The following DPP10 variants were observed in gnomAD, a reference collection of about 807,000 sequenced individuals.
DPP10 encodes the protein dipeptidyl peptidase like 10.
DPP10 carries 33 observed loss-of-function variants against 120.9 expected under a neutral mutation model. That is an observed-to-expected ratio of 0.27 (90% CI 0.21 to 0.37). The LOEUF (loss-of-function observed/expected upper bound fraction) is 0.37, where lower values mean the gene tolerates loss of function less well. Ranked by LOEUF, DPP10 falls within the 10% of genes least tolerant of loss-of-function variation. The pLI is 1.00. For missense variants in DPP10, 816 were observed against 942.8 expected, an observed-to-expected ratio of 0.87 and a Z score of 1.76; for synonymous variants, 337 against 326.1, an observed-to-expected ratio of 1.03 and a Z score of -0.36.
At chr2:115,814,297 A>G (rs1686984944) in intron 19 of DPP10, among the ~76,000 whole-genome samples, 1 of 151,644 alleles carries the variant, frequency 6.6e-6, no homozygotes, top group Non-Finnish European at 1.5e-5. Context: ...ATACTAATGC[A>G]GTTTTTTTTT....
chr2:115,402,887 G>C (rs1307973403), intron 3 of DPP10, among the ~76,000 whole-genome samples: 2 of 138,448 alleles, frequency 1.4e-5, no homozygotes, highest in Non-Finnish European at 3.1e-5. Context: ...GTGTGTGTGT[G>C]TGTGTATATA....
chr2:115,652,479 T>C (rs1348430518), intron 5 of DPP10, among the ~76,000 whole-genome samples: 1 of 151,396 alleles, frequency 6.6e-6, no homozygotes, highest in Admixed American at 6.6e-5. Context: ...TACCTTTATA[T>C]ATTATATATA....
intron 1 of DPP10, among the ~76,000 whole-genome samples, chr2:114,663,001 A>G (rs1198673235): frequency 6.6e-6 from 1 of 152,086 alleles, no homozygotes; most frequent in Non-Finnish European, 1.5e-5. Flanking sequence ...TTCTTATTGA[A>G]GTTTGATGAA....
At chr2:115,694,176 C>T (rs1389204972) in intron 7 of DPP10, among the ~76,000 whole-genome samples, 1 of 152,018 alleles carries the variant, frequency 6.6e-6, no homozygotes, top group East Asian at 1.9e-4. Flanking sequence ...GCCAATGGTC[C>T]ATTTCATATG....
At chr2:115,141,325 C>G (rs12328314) in intron 1 of DPP10, among the ~76,000 whole-genome samples, 19,642 of 152,184 alleles carry the variant, frequency 0.13, 1,426 homozygotes, top group East Asian at 0.17. Flanking sequence ...AAGGAATATT[C>G]ACCGATTACC....
At chr2:115,685,620 GTAAA>G (rs2090947339) in intron 5 of DPP10, among the ~76,000 whole-genome samples, 1 of 151,918 alleles carries the variant, frequency 6.6e-6, no homozygotes, top group Non-Finnish European at 1.5e-5. Context: ...ACATATAAAA[GTAAA>G]TACAGGTTAT....
chr2:115,815,047 C>T, intron 20 of DPP10, 60 bp downstream of exon 20: 5 of 1,455,766 alleles, frequency 3.4e-6, no homozygotes, highest in Non-Finnish European at 4.6e-6. Context: ...TGGTATATGA[C>T]ATATAATATT....
chr2:115,330,725 G>T (rs2062675565), intron 2 of DPP10, among the ~76,000 whole-genome samples: 1 of 152,032 alleles, frequency 6.6e-6, no homozygotes, highest in South Asian at 2.1e-4. Flanking sequence ...TCTCAGGTTT[G>T]TCAAAGATCA....
Position 114,608,867 on chromosome 2 carries a change from G to A in DPP10, c.60+166029G>A, listed in dbSNP as rs189706053. On this transcript the variant is annotated intron_variant, in intron 1 of 25. Transcript: ENST00000410059. ...TAGTTAGGGCATAAAGATGGCAACC[G>A]TAGAAACTGGGGATGACTAGAAAGG... Among the ~76,000 whole-genome samples the A allele has an allele frequency of 5.5e-4, 84 of 152,200 alleles. 1 individual carries two copies. In the South Asian group the frequency reaches 0.012, roughly 21 times the overall value.
intron 1 of DPP10, among the ~76,000 whole-genome samples, chr2:114,832,555 G>A (rs751611466): frequency 3.9e-5 from 6 of 152,068 alleles, no homozygotes; most frequent in African/African-American, 7.2e-5. Flanking sequence ...ATAAATAAAT[G>A]AATAAATAAA....
chr2:114,532,368 T>C (rs1369472756), intron 1 of DPP10, among the ~76,000 whole-genome samples: 1 of 149,570 alleles, frequency 6.7e-6, no homozygotes, highest in Admixed American at 6.7e-5. Flanking sequence ...TATATATATG[T>C]ATATATACAC....
At chr2:114,843,241 A>T (rs945643096) in intron 1 of DPP10, among the ~76,000 whole-genome samples, 1 of 152,126 alleles carries the variant, frequency 6.6e-6, no homozygotes, top group Non-Finnish European at 1.5e-5. Flanking sequence ...AAGCAAGCAC[A>T]AAATCTCCCT....
intron 4 of DPP10, among the ~76,000 whole-genome samples, chr2:115,513,028 A>G (rs1397125306): frequency 2.6e-5 from 4 of 152,132 alleles, no homozygotes; most frequent in Admixed American, 1.3e-4. Context: ...TTTCAATTCT[A>G]TAAATTTTTG....
chr2:115,318,906 C>A (rs1166680775), intron 2 of DPP10, among the ~76,000 whole-genome samples: 4 of 152,030 alleles, frequency 2.6e-5, no homozygotes, highest in Non-Finnish European at 5.9e-5. Context: ...TCTTTTAGTT[C>A]TTTTTCTTGT....
At chr2:114,938,896 T>C (rs1035662361) in intron 1 of DPP10, among the ~76,000 whole-genome samples, 10 of 152,076 alleles carry the variant, frequency 6.6e-5, no homozygotes, top group Non-Finnish European at 1.3e-4. Flanking sequence ...AAGTTATTAG[T>C]CCTTGGGGAG....
intron 11 of DPP10, among the ~76,000 whole-genome samples, chr2:115,753,850 T>G (rs1271088045): frequency 6.6e-6 from 1 of 152,174 alleles, no homozygotes; most frequent in East Asian, 1.9e-4. Flanking sequence ...ATTTTTAAGA[T>G]TCCTGGTAGA....
intron 1 of DPP10, among the ~76,000 whole-genome samples, chr2:114,797,496 T>C (rs1683816234): frequency 6.6e-6 from 1 of 152,138 alleles, no homozygotes. Flanking sequence ...CAAGAATATC[T>C]GTGTCAAAAA....
chr2:115,171,883 TC>T (rs1273930108), intron 1 of DPP10, among the ~76,000 whole-genome samples: 1 of 152,218 alleles, frequency 6.6e-6, no homozygotes, highest in Non-Finnish European at 1.5e-5. Flanking sequence ...ATATGCATCT[TC>T]TGTACTTTGC....
intron 1 of DPP10, among the ~76,000 whole-genome samples, chr2:114,595,812 G>A (rs1691860192): frequency 6.6e-6 from 1 of 152,126 alleles, no homozygotes; most frequent in Admixed American, 6.6e-5. Flanking sequence ...GAAGAGCCAA[G>A]TATACTACTT....
Sources: allele counts gnomAD v4.1 joint callset (sites outside exome capture counted in the v4.1 genomes callset), GRCh38; gene constraint gnomAD v4.1.1; transcripts MANE v1.5; gene names NCBI Gene and HGNC (gene_info 2026-07-23, HGNC 2026-07-21).